The following ZNF709 variants were observed in gnomAD, a reference collection of about 807,000 sequenced individuals.
The protein encoded by ZNF709 is zinc finger protein 709.
Under a neutral mutation model 10.6 loss-of-function variants are expected in ZNF709, and 15 were observed. That is an observed-to-expected ratio of 1.41 (90% CI 0.95 to 2.18). The LOEUF is 2.18. Among genes scored for constraint, ZNF709 ranks in the 30% most tolerant of loss-of-function variants. The pLI is 0.00. For missense variants in ZNF709, 589 were observed against 774.0 expected, an observed-to-expected ratio of 0.76 and a Z score of 2.84; for synonymous variants, 194 against 238.8, an observed-to-expected ratio of 0.81 and a Z score of 1.73.
chr19:12,481,734 A>T (rs1970728811), intron 1 of ZNF709, among the ~76,000 whole-genome samples: 1 of 152,060 alleles, frequency 6.6e-6, no homozygotes, highest in South Asian at 2.1e-4. Context: ...GCCTGGACAC[A>T]GTGAGGATCT....
Position 12,484,734 on chromosome 19 carries a change from C to G in ZNF709, c.-77G>C. On this transcript the variant is annotated 5_prime_UTR_variant, in exon 1 of 4. Coordinates refer to ENST00000397732, the MANE Select transcript of ZNF709 (RefSeq NM_152601.4). ...CACAGGTCCTACCTCCACCTGAGGCCCTTCCTCCACCTGAGGGCCTTCTGG... is the reference window on the plus strand; with the variant it reads ...CACAGGTCCTACCTCCACCTGAGGCGCTTCCTCCACCTGAGGGCCTTCTGG... 6.2e-7 allele frequency: 1 copy of G among 1,602,786 alleles called. No homozygotes were observed. Among genetic ancestry groups the G allele is most frequent in the African/African-American group, 1.3e-5 (1 of 74,828 alleles).
At chr19:12,466,942 C>A (rs1445944161) in intron 1 of ZNF709, 92 bp from the exon 2 acceptor site, 1 of 1,482,178 alleles carries the variant, frequency 6.7e-7, no homozygotes, top group Non-Finnish European at 9.0e-7. Context: ...ATATAATTTT[C>A]TCCATTTATC....
intron 1 of ZNF709, among the ~76,000 whole-genome samples, chr19:12,471,081 G>C (rs1970631209): frequency 1.3e-5 from 2 of 152,078 alleles, no homozygotes; most frequent in African/African-American, 2.4e-5. Context: ...AGCACTGTGA[G>C]CACTGGGTCT....
chr19:12,476,538 C>G (rs1347522536), intron 1 of ZNF709, among the ~76,000 whole-genome samples: 1 of 152,166 alleles, frequency 6.6e-6, no homozygotes, highest in Non-Finnish European at 1.5e-5. Context: ...TGCAAAAGCT[C>G]CTTCTCTATG....
chr19:12,470,820 G>A (rs976041655), intron 1 of ZNF709, among the ~76,000 whole-genome samples: 4 of 151,816 alleles, frequency 2.6e-5, no homozygotes, highest in Non-Finnish European at 4.4e-5. Flanking sequence ...CCAGCTACTC[G>A]GGAGGCTGAG....
intron 1 of ZNF709, among the ~76,000 whole-genome samples, chr19:12,468,690 T>TAA (rs1039961850): frequency 1.3e-4 from 11 of 82,334 alleles, no homozygotes; most frequent in Admixed American, 1.2e-4. Context: ...GAATGATCAA[T>TAA]AAAAAAAAAA....
In ZNF709 at chr19:12,462,770, A is replaced by G. The variant is rs1294444603; in HGVS notation, c.*1226T>C. 1 of 152,178 alleles carries G rather than the reference A, an allele frequency of 6.6e-6. No homozygotes were observed. The highest frequency in any genetic ancestry group is 1.5e-5 in the Non-Finnish European group (1 of 68,032). 9.4% of individuals were successfully genotyped at this position (152,178 alleles called of 1,614,324 possible). A position where few individuals can be genotyped will look rare whatever the true frequency, so the allele number is the denominator to read the frequency against. ...TGATGGCCCATTACAGCACAACTAA[A>G]AAATACATAAAAATCAAAACTGCTA... On this transcript the variant is annotated 3_prime_UTR_variant, in exon 4 of 4. Coordinates refer to ENST00000397732, the MANE Select transcript of ZNF709 (RefSeq NM_152601.4).
chr19:12,466,353 A>G, intron 3 of ZNF709, 109 bp downstream of exon 3: 1 of 1,166,620 alleles, frequency 8.6e-7, no homozygotes, highest in Non-Finnish European at 1.2e-6. Context: ...TTCAAAAAAT[A>G]AATAAATATG....
chr19:12,467,331 C>G (rs532625680), intron 1 of ZNF709, among the ~76,000 whole-genome samples: 13 of 152,308 alleles, frequency 8.5e-5, no homozygotes, highest in African/African-American at 3.1e-4. Flanking sequence ...TTGGTGGAGA[C>G]GGGGTTTCGC....
chr19:12,464,776 A>G lies in ZNF709; in HGVS notation c.1146T>C (p.His382=), dbSNP rs756312506. The change falls in exon 4 of 4, where the codon CAT becomes CAC. Residue 382 remains histidine, a synonymous_variant. Transcript: ENST00000397732. ...GTTTCTCTCCAGTGTGAGTTCGTTC[A>G]TGGATTTGAAAAGAACTAGGACAAT... ...AFDCPSSFQI[H]ERTHTGEKPY... is the part of the protein sequence containing the mutation. The G allele has an allele frequency of 2.5e-6, 4 of 1,613,746 alleles. No individual in the cohort carries two copies. In the South Asian group the frequency reaches 4.4e-5, roughly 18 times the overall value.
chr19:12,484,712 A>C lies in ZNF709; in HGVS notation c.-55T>G. 6.2e-7 allele frequency: 1 copy of C among 1,613,380 alleles called. No individual in the cohort carries two copies. Among genetic ancestry groups the C allele is most frequent in the Non-Finnish European group, 8.5e-7 (1 of 1,179,498 alleles). On this transcript the variant is annotated 5_prime_UTR_variant, in exon 1 of 4. Transcript: ENST00000397732. ...TGTTTACCTCTCCCGCGGCCAGCAC[A>C]GGTCCTACCTCCACCTGAGGCCCTT...
At position 12,464,346 on chromosome 19, in the gene ZNF709, G is replaced by A. The variant is rs1355163896; in HGVS notation, c.1576C>T (p.His526Tyr). 6 of 1,611,722 alleles carry A rather than the reference G, an allele frequency of 3.7e-6. No homozygotes were observed. Among genetic ancestry groups the A allele is most frequent in the Non-Finnish European group, 4.2e-6 (5 of 1,178,882 alleles). ...SSSFRMHERTHTGEKPYECKQ... is the reference protein window; with the variant it reads ...SSSFRMHERTYTGEKPYECKQ... ...CATTCATAGGGTTTCTCCCCAGTGT[G>A]AGTCCTTTCATGCATTCGAAAGGAA... is the stretch of plus-strand genomic sequence containing the variant. Residue 526 changes from histidine (H) to tyrosine (Y), a missense_variant, in exon 4 of 4, where the codon CAC becomes TAC. Physicochemically the swap from His to Tyr is moderately conservative, Grantham distance 83. This residue lies in a region of ZNF709 where 171 missense variants were observed against 277.7 expected (regional missense o/e 0.62). Coordinates refer to ENST00000397732, the MANE Select transcript of ZNF709 (RefSeq NM_152601.4).
rs576251070 is a variant in ZNF709, at chr19:12,466,451, G to A, written c.188+11C>T. The A allele has an allele frequency of 4.6e-5, 74 of 1,612,800 alleles. 2 individuals carry two copies. The South Asian group carries it at 7.6e-4, about 17-fold the overall frequency. On this transcript the variant is annotated intron_variant, in intron 3 of 3. Coordinates refer to ENST00000397732, the MANE Select transcript of ZNF709 (RefSeq NM_152601.4). ...CATAAGACAGTATTTTCTTTTGTAA[G>A]TACAACTCACCTTAGCTTTCTCCCC...
Position 12,464,519 on chromosome 19 carries a change from C to A in ZNF709, c.1403G>T (p.Arg468Ile). Residue 468 changes from arginine to isoleucine, a missense_variant, in exon 4 of 4, where the codon AGA becomes ATA. Arg to Ile is a moderately conservative substitution (Grantham distance 97). Coordinates refer to ENST00000397732, the MANE Select transcript of ZNF709 (RefSeq NM_152601.4). The part of the protein sequence containing the change: ...SCSSSFRMHE[R>I]IHTGEKPYEC... ...ATAGGGTTTCTCTCCAGTGTGAATTCTTTCATGCATTCGAAAGGAACTGGA... is the reference window on the plus strand; with the variant it reads ...ATAGGGTTTCTCTCCAGTGTGAATTATTTCATGCATTCGAAAGGAACTGGA... The A allele has an allele frequency of 1.7e-5, 27 of 1,613,238 alleles. No individual in the cohort carries two copies. The highest frequency in any genetic ancestry group is 2.2e-5 in the Non-Finnish European group (26 of 1,179,610).
intron 1 of ZNF709, among the ~76,000 whole-genome samples, chr19:12,471,400 CTAAAATAGACTTATAAAATTCT>C (rs1419240630): frequency 2.0e-5 from 3 of 152,204 alleles, no homozygotes; most frequent in East Asian, 1.9e-4. Flanking sequence ...CTACAAATCC[CTAAAATAGACTTATAAAATTCT>C]TAAAATAGAC....
chr19:12,468,505 T>C (rs909726439), intron 1 of ZNF709, among the ~76,000 whole-genome samples: 4 of 151,650 alleles, frequency 2.6e-5, no homozygotes, highest in African/African-American at 9.7e-5. Context: ...GCATGCTCGT[T>C]AAGAGTCATC....
At chr19:12,481,929 A>G (rs1368190216) in intron 1 of ZNF709, among the ~76,000 whole-genome samples, 3 of 149,498 alleles carry the variant, frequency 2.0e-5, no homozygotes, top group Non-Finnish European at 3.0e-5. Flanking sequence ...AAAAAAGGGA[A>G]GGAAGGAAGG....
chr19:12,470,083 C>T (rs1970622006), intron 1 of ZNF709, among the ~76,000 whole-genome samples: 1 of 152,138 alleles, frequency 6.6e-6, no homozygotes, highest in South Asian at 2.1e-4. Context: ...AAGTGATCCG[C>T]AAACAGCTAC....
intron 1 of ZNF709, among the ~76,000 whole-genome samples, chr19:12,470,479 A>T (rs1970626045): frequency 6.6e-6 from 1 of 152,114 alleles, no homozygotes; most frequent in Non-Finnish European, 1.5e-5. Flanking sequence ...TAAAATGTTA[A>T]CCTAAGACTA....
Sources: allele counts gnomAD v4.1 joint callset (sites outside exome capture counted in the v4.1 genomes callset), GRCh38; gene constraint gnomAD v4.1.1; regional missense constraint gnomAD v4.1.1; transcripts MANE v1.5; gene names NCBI Gene and HGNC (gene_info 2026-07-23, HGNC 2026-07-21).